The following CSMD2 variants were observed in gnomAD, a reference collection of about 807,000 sequenced individuals.
CSMD2 encodes the protein CUB and Sushi multiple domains 2, also known as CUB and sushi domain-containing protein 2.
CSMD2 carries 130 observed loss-of-function variants against 398.5 expected under a neutral mutation model. The observed-to-expected ratio is 0.33, with a 90% CI of 0.28 to 0.38. The LOEUF is 0.38. CSMD2 is among the 10% of genes least tolerant of loss of function. The pLI, the probability that CSMD2 is intolerant of heterozygous loss-of-function variation, is 1.00. For missense variants in CSMD2, 3,829 were observed against 4,764.9 expected (o/e 0.80, Z 5.78); for synonymous variants, 1,828 against 1,908.5 (o/e 0.96, Z 1.10).
intron 53 of CSMD2, among the ~76,000 whole-genome samples, chr1:33,561,717 G>A (rs964467001): frequency 7.9e-5 from 12 of 152,186 alleles, no homozygotes; most frequent in Non-Finnish European, 1.0e-4. Context: ...GTCAAAGAGG[G>A]TCCCACAGGG....
At chr1:34,036,192 C>A (rs1317813912) in intron 2 of CSMD2, among the ~76,000 whole-genome samples, 1 of 151,866 alleles carries the variant, frequency 6.6e-6, no homozygotes, top group Non-Finnish European at 1.5e-5. Flanking sequence ...ATCCATTAGG[C>A]CCAAAAACCT....
At chr1:34,120,647 C>A (rs980808898) in intron 1 of CSMD2, among the ~76,000 whole-genome samples, 1 of 152,144 alleles carries the variant, frequency 6.6e-6, no homozygotes, top group African/African-American at 2.4e-5. Context: ...CAGGTTCAAG[C>A]GATTCTCCTG....
chr1:33,673,928 C>A (rs1644605818), intron 25 of CSMD2, among the ~76,000 whole-genome samples: 3 of 152,260 alleles, frequency 2.0e-5, no homozygotes, highest in Admixed American at 2.0e-4. Context: ...TTTGTCACCA[C>A]CAGGCCTGCC....
intron 2 of CSMD2, among the ~76,000 whole-genome samples, chr1:34,081,238 C>T (rs1657068398): frequency 6.6e-6 from 1 of 152,200 alleles, no homozygotes; most frequent in South Asian, 2.1e-4. Context: ...AGCATGCTTG[C>T]TGCTGCCTCT....
At chr1:33,983,556 T>C (rs1646244859) in intron 3 of CSMD2, among the ~76,000 whole-genome samples, 1 of 152,120 alleles carries the variant, frequency 6.6e-6, no homozygotes, top group South Asian at 2.1e-4. Flanking sequence ...TCACAGAACG[T>C]CTGCTGTCTT....
chr1:34,139,513 A>G (rs2148520391), intron 1 of CSMD2, among the ~76,000 whole-genome samples: 1 of 152,328 alleles, frequency 6.6e-6, no homozygotes, highest in East Asian at 1.9e-4. Context: ...ATTCTATTAT[A>G]AGCAACAGAA....
At chr1:34,079,193 A>T (rs1455822421) in intron 2 of CSMD2, among the ~76,000 whole-genome samples, 2 of 152,160 alleles carry the variant, frequency 1.3e-5, no homozygotes, top group East Asian at 3.8e-4. Context: ...TTCCCCTAAC[A>T]TCAGGAATAA....
chr1:34,015,736 T>C (rs557387742), intron 3 of CSMD2, among the ~76,000 whole-genome samples: 3 of 152,286 alleles, frequency 2.0e-5, no homozygotes, highest in African/African-American at 7.2e-5. Flanking sequence ...TCAAAGTCAA[T>C]GGAATGAGTG....
At chr1:34,065,103 A>C (rs1448642864) in intron 2 of CSMD2, among the ~76,000 whole-genome samples, 1 of 152,168 alleles carries the variant, frequency 6.6e-6, no homozygotes, top group African/African-American at 2.4e-5. Context: ...AACCATATCA[A>C]GGAGGCTTCC....
chr1:34,116,508 C>G (rs1661614136), intron 1 of CSMD2, among the ~76,000 whole-genome samples: 2 of 151,954 alleles, frequency 1.3e-5, no homozygotes, highest in African/African-American at 4.8e-5. Context: ...CAAACATTGA[C>G]AGAATTAAAG....
intron 1 of CSMD2, among the ~76,000 whole-genome samples, chr1:34,153,010 C>A (rs1640469871): frequency 6.6e-6 from 1 of 152,084 alleles, no homozygotes; most frequent in Non-Finnish European, 1.5e-5. Flanking sequence ...TTGTAACTGG[C>A]TCCTTTCTTT....
chr1:33,661,221 C>T (rs1644120506), intron 26 of CSMD2, among the ~76,000 whole-genome samples: 2 of 152,206 alleles, frequency 1.3e-5, no homozygotes, highest in African/African-American at 4.8e-5. Context: ...CCGCACCCAT[C>T]AGCTTGGGCG....
intron 4 of CSMD2, among the ~76,000 whole-genome samples, chr1:33,929,431 A>ATTTTTT (rs1243627294): frequency 1.6e-4 from 15 of 94,008 alleles, no homozygotes; most frequent in South Asian, 3.3e-4. Context: ...CCAAGCCTAT[A>ATTTTTT]CTTTTTTTTT....
chr1:33,675,672 C>G (rs1462427182), intron 25 of CSMD2, among the ~76,000 whole-genome samples: 1 of 152,162 alleles, frequency 6.6e-6, no homozygotes, highest in Non-Finnish European at 1.5e-5. Flanking sequence ...GAATTTTAGA[C>G]CAATATCCTT....
At chr1:34,006,418 C>A (rs1249376472) in intron 3 of CSMD2, among the ~76,000 whole-genome samples, 1 of 152,126 alleles carries the variant, frequency 6.6e-6, no homozygotes, top group Admixed American at 6.5e-5. Context: ...CCCATCCCAC[C>A]CCAGATCTCA....
chr1:33,521,625 G>A (rs1459290756), intron 67 of CSMD2, 75 bp from the exon 68 acceptor site: 6 of 958,938 alleles, frequency 6.3e-6, no homozygotes, highest in Admixed American at 1.7e-5. Flanking sequence ...CATCATACAC[G>A]CTGCCCAGCA....
At chr1:33,945,737 T>C (rs1036274070) in intron 3 of CSMD2, among the ~76,000 whole-genome samples, 1 of 152,166 alleles carries the variant, frequency 6.6e-6, no homozygotes, top group African/African-American at 2.4e-5. Flanking sequence ...AGCATTAGGC[T>C]GGCACCAGGT....
chr1:33,579,571 G>A (rs1466325835), intron 48 of CSMD2, among the ~76,000 whole-genome samples: 2 of 152,134 alleles, frequency 1.3e-5, no homozygotes, highest in Non-Finnish European at 2.9e-5. Context: ...CACCCACTGA[G>A]TATGGGCTGG....
At chr1:34,068,449 C>G (rs1334163355) in intron 2 of CSMD2, among the ~76,000 whole-genome samples, 1 of 152,222 alleles carries the variant, frequency 6.6e-6, no homozygotes, top group East Asian at 1.9e-4. Flanking sequence ...TATTCATAAT[C>G]AAGCCATCCT....
Sources: gnomAD v4.1 joint callset for allele counts (sites outside exome capture counted in the v4.1 genomes callset) on GRCh38, gnomAD v4.1.1 for gene constraint, MANE v1.5 for transcripts, NCBI Gene and HGNC (gene_info 2026-07-23, HGNC 2026-07-21) for gene names.